Variants in SH3BP5 observed in about 807,000 individuals in gnomAD.
The protein encoded by SH3BP5 is SH3 domain-binding protein 5.
A neutral mutation model predicts 43.3 loss-of-function variants in SH3BP5; 22 were observed. That is an observed-to-expected ratio of 0.51 (90% confidence interval 0.36 to 0.73). SH3BP5 has a LOEUF of 0.73. SH3BP5 is among the 30% of genes least tolerant of loss of function. The pLI, the probability that SH3BP5 is intolerant of heterozygous loss-of-function variation, is 0.00. For synonymous variants in SH3BP5, 255 were observed against 225.8 expected (o/e 1.13, Z -1.16); for missense variants, 529 against 586.9 (o/e 0.90, Z 1.02).
chr3:15,259,896 G>T, intron 5 of SH3BP5, 93 bp from the exon 6 acceptor site: 1 of 1,146,216 alleles, frequency 8.7e-7, no homozygotes, highest in Non-Finnish European at 1.3e-6. Context: ...AGCTACCACT[G>T]GCCAGGTCGT....
intron 5 of SH3BP5, among the ~76,000 whole-genome samples, chr3:15,261,269 C>T (rs1204411438): frequency 6.6e-6 from 1 of 152,232 alleles, no homozygotes; most frequent in Non-Finnish European, 1.5e-5. Flanking sequence ...TGTATGTGTA[C>T]ATATGTATGT....
chr3:15,292,419 C>A (rs976813487), intron 3 of SH3BP5, among the ~76,000 whole-genome samples: 7 of 152,218 alleles, frequency 4.6e-5, no homozygotes, highest in African/African-American at 1.7e-4. Context: ...TCCCAACTAA[C>A]AAGGTGATGG....
intron 3 of SH3BP5, among the ~76,000 whole-genome samples, chr3:15,283,211 A>G (rs1697175088): frequency 6.6e-6 from 1 of 152,216 alleles, no homozygotes; most frequent in Non-Finnish European, 1.5e-5. Flanking sequence ...CAGCCCGGCC[A>G]ACATGGCAAA....
intron 3 of SH3BP5, among the ~76,000 whole-genome samples, chr3:15,291,207 C>T (rs1697404499): frequency 6.6e-6 from 1 of 152,208 alleles, no homozygotes; most frequent in African/African-American, 2.4e-5. Context: ...TAGTATCACT[C>T]AACTCTCCTG....
chr3:15,322,746 G>A, intron 2 of SH3BP5, among the ~76,000 whole-genome samples: 1 of 152,088 alleles, frequency 6.6e-6, no homozygotes, highest in East Asian at 1.9e-4. Context: ...GAGGTGGGAG[G>A]ATCACTTGAG....
At chr3:15,262,026 G>C in intron 5 of SH3BP5, 133 bp downstream of exon 5, 1 of 957,410 alleles carries the variant, frequency 1.0e-6, no homozygotes, top group Admixed American at 2.3e-5. Flanking sequence ...GAGCAGGGGG[G>C]CTCTGGTGAG....
intron 3 of SH3BP5, among the ~76,000 whole-genome samples, chr3:15,272,559 A>AGATTCGATGATACCTCAGATCAAATTT (rs1559432626): frequency 3.0e-5 from 3 of 100,950 alleles, no homozygotes; most frequent in South Asian, 3.2e-4. Flanking sequence ...TGCCTGTAGG[A>AGATTCGATGATACCTCAGATCAAATTT]TAAAGACATT....
At chr3:15,319,596 A>G (rs1698270564) in intron 2 of SH3BP5, among the ~76,000 whole-genome samples, 1 of 152,194 alleles carries the variant, frequency 6.6e-6, no homozygotes, top group South Asian at 2.1e-4. Context: ...TGAAGGTTTC[A>G]AGGCTTAGTC....
rs965823051 is a variant in SH3BP5 at position 15,255,218 on chromosome 3, C to T, written c.*868G>A. ...TCTAAGGAATACTAGTGCAGCATAA[C>T]CCTTAAATAATTTCATTTATTTTTA... On this transcript the variant is annotated 3_prime_UTR_variant, in exon 9 of 9. Coordinates refer to ENST00000383791, the MANE Select transcript of SH3BP5 (RefSeq NM_004844.5). 1 of 152,578 alleles carries T rather than the reference C, an allele frequency of 6.6e-6. No homozygotes were observed. Among genetic ancestry groups the T allele is most frequent in the Non-Finnish European group, 1.5e-5 (1 of 68,022 alleles). 9.5% of individuals were successfully genotyped at this position (152,578 alleles called of 1,614,324 possible). A position where few individuals can be genotyped will look rare whatever the true frequency, so the allele number is the denominator to read the frequency against.
At chr3:15,300,029 T>C (rs1190750844) in intron 3 of SH3BP5, among the ~76,000 whole-genome samples, 6 of 152,190 alleles carry the variant, frequency 3.9e-5, no homozygotes, top group Non-Finnish European at 1.5e-5. Flanking sequence ...AAATACTTTT[T>C]GTAGTTGTTA....
chr3:15,288,306 T>C (rs116691530), intron 3 of SH3BP5, among the ~76,000 whole-genome samples: 2,752 of 152,320 alleles, frequency 0.018, 89 homozygotes, highest in African/African-American at 0.063. Context: ...ACCACATATC[T>C]GGACACTGCA....
intron 5 of SH3BP5, 75 bp downstream of exon 5, chr3:15,262,084 G>A (rs1442508704): frequency 1.9e-6 from 3 of 1,567,884 alleles, no homozygotes; most frequent in African/African-American, 2.7e-5. Flanking sequence ...CCTTGAGTGT[G>A]TGACATACAA....
chr3:15,287,525 C>T (rs761631876), intron 3 of SH3BP5, among the ~76,000 whole-genome samples: 2 of 151,944 alleles, frequency 1.3e-5, no homozygotes, highest in Admixed American at 1.3e-4. Flanking sequence ...CTGCACCGTC[C>T]CAAAATAGTA....
chr3:15,273,814 C>T (rs563180661), intron 3 of SH3BP5, among the ~76,000 whole-genome samples: 1 of 152,116 alleles, frequency 6.6e-6, no homozygotes, highest in South Asian at 2.1e-4. Flanking sequence ...GTGAGATTTC[C>T]AGGAAGGCTC....
At chr3:15,332,778 G>A, upstream of SH3BP5, 1 of 564,672 alleles carries the variant, frequency 1.8e-6, no homozygotes. Flanking sequence ...TTAGCAGCTC[G>A]GATATATCTC....
At chr3:15,318,410 C>T (rs2094840532) in intron 2 of SH3BP5, among the ~76,000 whole-genome samples, 1 of 151,842 alleles carries the variant, frequency 6.6e-6, no homozygotes, top group Admixed American at 6.6e-5. Context: ...ATATAACTTA[C>T]CAAGACTGTA....
At chr3:15,260,248 A>G (rs1696385468) in intron 5 of SH3BP5, 1 of 184,398 alleles carries the variant, frequency 5.4e-6, no homozygotes, top group Non-Finnish European at 1.2e-5. Context: ...ACTGAAGTCA[A>G]CTGGGGAAGA....
At chr3:15,263,572 T>C (rs1314530486) in intron 4 of SH3BP5, among the ~76,000 whole-genome samples, 3 of 152,202 alleles carry the variant, frequency 2.0e-5, no homozygotes, top group Non-Finnish European at 4.4e-5. Context: ...GTCAAAGTTC[T>C]GGTGGGAAAT....
intron 2 of SH3BP5, among the ~76,000 whole-genome samples, chr3:15,311,019 A>C (rs946413264): frequency 5.3e-5 from 8 of 152,196 alleles, no homozygotes; most frequent in African/African-American, 1.9e-4. Flanking sequence ...CCTTGCCTGG[A>C]AACTGAGAAT....
Sources: allele counts gnomAD v4.1 joint callset (sites outside exome capture counted in the v4.1 genomes callset), GRCh38; gene constraint gnomAD v4.1.1; transcripts MANE v1.5; gene names NCBI Gene and HGNC (gene_info 2026-07-23, HGNC 2026-07-21).